Variants in GNAQ observed in about 807,000 individuals in gnomAD.
GNAQ encodes the protein G protein subunit alpha q.
Under a neutral mutation model 43.9 loss-of-function variants are expected in GNAQ, and 8 were observed. The ratio of observed to expected loss-of-function variants is 0.18; its 90% CI spans 0.11 to 0.33. GNAQ has a LOEUF of 0.33. Ranked by LOEUF, GNAQ falls within the 10% of genes least tolerant of loss-of-function variation. GNAQ has a pLI of 1.00. For missense variants in GNAQ, 158 were observed against 450.8 expected (o/e 0.35, Z 5.88); for synonymous variants, 155 against 170.7 (o/e 0.91, Z 0.71).
chr9:77,729,544 G>A (rs1228199229), intron 5 of GNAQ, among the ~76,000 whole-genome samples: 2 of 151,934 alleles, frequency 1.3e-5, no homozygotes, highest in African/African-American at 2.4e-5. Context: ...GGGCCTCAGA[G>A]CTTCTTTCGT....
At chr9:77,962,171 G>C (rs1426194406) in intron 1 of GNAQ, among the ~76,000 whole-genome samples, 1 of 152,128 alleles carries the variant, frequency 6.6e-6, no homozygotes. Flanking sequence ...AGCAGTCTCA[G>C]TGTGGAACAA....
intron 1 of GNAQ, among the ~76,000 whole-genome samples, chr9:77,927,781 C>T (rs1175485094): frequency 6.6e-6 from 1 of 152,038 alleles, no homozygotes; most frequent in African/African-American, 2.4e-5. Context: ...GAGATATTGT[C>T]AAACTATCAG....
chr9:78,020,711 T>C (rs550352897), intron 1 of GNAQ, among the ~76,000 whole-genome samples: 1 of 152,132 alleles, frequency 6.6e-6, no homozygotes, highest in African/African-American at 2.4e-5. Context: ...AAAGACACAA[T>C]GGCGCTACCC....
intron 5 of GNAQ, among the ~76,000 whole-genome samples, chr9:77,733,282 C>T (rs949776869): frequency 6.6e-6 from 1 of 152,160 alleles, no homozygotes; most frequent in East Asian, 1.9e-4. Context: ...TTTAACATCT[C>T]AAATCAATTC....
At chr9:77,837,669 A>G (rs1335713468) in intron 2 of GNAQ, among the ~76,000 whole-genome samples, 1 of 152,152 alleles carries the variant, frequency 6.6e-6, no homozygotes, top group African/African-American at 2.4e-5. Context: ...AAAAAAATCA[A>G]AATGACTTCT....
intron 1 of GNAQ, among the ~76,000 whole-genome samples, chr9:77,932,627 G>A (rs1472123324): frequency 6.6e-6 from 1 of 152,194 alleles, no homozygotes; most frequent in Admixed American, 6.5e-5. Flanking sequence ...GTACAAGAGG[G>A]TCAGTGTGGT....
intron 1 of GNAQ, among the ~76,000 whole-genome samples, chr9:78,012,722 A>G (rs1433512687): frequency 1.3e-5 from 2 of 152,210 alleles, no homozygotes; most frequent in Non-Finnish European, 2.9e-5. Context: ...AAATATATAT[A>G]TACATATATG....
intron 6 of GNAQ, among the ~76,000 whole-genome samples, chr9:77,724,727 T>C (rs1825370778): frequency 6.6e-6 from 1 of 152,172 alleles, no homozygotes; most frequent in African/African-American, 2.4e-5. Flanking sequence ...ACAAATAGAC[T>C]ATCCTCATTT....
At chr9:77,964,130 A>G (rs530139812) in intron 1 of GNAQ, among the ~76,000 whole-genome samples, 1 of 152,124 alleles carries the variant, frequency 6.6e-6, no homozygotes, top group Non-Finnish European at 1.5e-5. Context: ...TCTCATATTA[A>G]TAACAGACAC....
intron 5 of GNAQ, among the ~76,000 whole-genome samples, chr9:77,779,913 T>A (rs1826365716): frequency 6.6e-6 from 1 of 151,904 alleles, no homozygotes; most frequent in African/African-American, 2.4e-5. Context: ...GTAACCGAAA[T>A]GGAACAACAA....
intron 2 of GNAQ, among the ~76,000 whole-genome samples, chr9:77,905,931 G>A (rs371829599): frequency 5.3e-5 from 8 of 152,168 alleles, no homozygotes; most frequent in African/African-American, 1.4e-4. Context: ...GAGCTGTCAG[G>A]GGGTGGGAGA....
chr9:78,002,157 G>C (rs114598724), intron 1 of GNAQ, among the ~76,000 whole-genome samples: 1,616 of 152,150 alleles, frequency 0.011, 21 homozygotes, highest in African/African-American at 0.036. Context: ...ATTCAGTTAA[G>C]TGATGTGAAT....
At chr9:77,909,242 C>T (rs4745676) in intron 2 of GNAQ, among the ~76,000 whole-genome samples, 1 of 151,996 alleles carries the variant, frequency 6.6e-6, no homozygotes. Flanking sequence ...ATTTTAATCC[C>T]CAACTTTAGT....
intron 2 of GNAQ, among the ~76,000 whole-genome samples, chr9:77,915,608 T>C (rs1331016944): frequency 6.6e-6 from 1 of 150,736 alleles, no homozygotes; most frequent in East Asian, 2.0e-4. Flanking sequence ...GATGGAGAAA[T>C]TCAAGGCTTA....
At chr9:77,831,212 T>G (rs1827292941) in intron 2 of GNAQ, among the ~76,000 whole-genome samples, 1 of 152,214 alleles carries the variant, frequency 6.6e-6, no homozygotes, top group Non-Finnish European at 1.5e-5. Flanking sequence ...GTGTCACAAA[T>G]TAATCATTTT....
chr9:77,967,222 C>T (rs1323867760), intron 1 of GNAQ, among the ~76,000 whole-genome samples: 1 of 152,186 alleles, frequency 6.6e-6, no homozygotes, highest in Non-Finnish European at 1.5e-5. Context: ...ATGTATACCC[C>T]TGTTGGGCTG....
intron 2 of GNAQ, among the ~76,000 whole-genome samples, chr9:77,825,497 T>C (rs1482619982): frequency 6.6e-6 from 1 of 152,112 alleles, no homozygotes; most frequent in African/African-American, 2.4e-5. Flanking sequence ...ACCACATGCT[T>C]CTCCACCATC....
chr9:77,730,328 G>A lies in GNAQ; in HGVS notation c.736-1661C>T, dbSNP rs557525880. Among the ~76,000 whole-genome samples, 12 of 152,266 alleles carry A rather than the reference G, an allele frequency of 7.9e-5. No homozygotes were observed. The South Asian group carries it at 1.9e-3, about 24-fold the overall frequency. ...TTCTGCTCAGCTTTTGCCTGCCTGCGGTAGGATGCTCCTGGAATTTCACAG... is the reference window on the plus strand; with the variant it reads ...TTCTGCTCAGCTTTTGCCTGCCTGCAGTAGGATGCTCCTGGAATTTCACAG... On this transcript the variant is annotated intron_variant, in intron 5 of 6. Transcript: ENST00000286548.
At chr9:77,822,935 T>G (rs991357974) in intron 2 of GNAQ, among the ~76,000 whole-genome samples, 1 of 149,950 alleles carries the variant, frequency 6.7e-6, no homozygotes, top group Non-Finnish European at 1.5e-5. Context: ...TAGAAGTTGT[T>G]TTTTTTTTTT....
Sources: allele counts gnomAD v4.1 joint callset (sites outside exome capture counted in the v4.1 genomes callset), GRCh38; gene constraint gnomAD v4.1.1; transcripts MANE v1.5; gene names NCBI Gene and HGNC (gene_info 2026-07-23, HGNC 2026-07-21).